EPHB1: variants seen among roughly 807,000 people sequenced by gnomAD.
EPHB1 encodes EPH receptor B1, also known as ephrin type-B receptor 1.
Under a neutral mutation model 94.4 loss-of-function variants are expected in EPHB1, and 30 were observed. The ratio of observed to expected loss-of-function variants is 0.32; its 90% confidence interval spans 0.24 to 0.43. EPHB1 has a LOEUF of 0.43. Among genes scored for constraint, EPHB1 ranks in the 20% least tolerant of loss-of-function variants. EPHB1 has a pLI of 1.00. For missense variants in EPHB1, 1,055 were observed against 1,308.3 expected, an observed-to-expected ratio of 0.81 and a Z score of 2.99; for synonymous variants, 522 against 489.1, an observed-to-expected ratio of 1.07 and a Z score of -0.89.
chr3:134,819,766 C>G (rs1351778587), intron 1 of EPHB1, among the ~76,000 whole-genome samples: 5 of 152,164 alleles, frequency 3.3e-5, no homozygotes, highest in Non-Finnish European at 7.3e-5. Context: ...TTCCCACAGC[C>G]AAAGCTTCTC....
chr3:135,162,298 TC>T, intron 7 of EPHB1, 118 bp downstream of exon 7: 1 of 1,222,610 alleles, frequency 8.2e-7, no homozygotes, highest in Non-Finnish European at 1.1e-6. Flanking sequence ...CCAGTGGAAT[TC>T]CCTTCAAACG....
chr3:135,051,617 A>G (rs1937170147), intron 3 of EPHB1, among the ~76,000 whole-genome samples: 2 of 152,368 alleles, frequency 1.3e-5, no homozygotes, highest in Admixed American at 6.5e-5. Flanking sequence ...TGCTGAAAAG[A>G]TGACAACAGC....
intron 3 of EPHB1, among the ~76,000 whole-genome samples, chr3:135,014,957 C>T (rs1020570613): frequency 3.3e-5 from 5 of 152,214 alleles, no homozygotes; most frequent in African/African-American, 4.8e-5. Context: ...TTTCTGGTCA[C>T]AGCCAATCAC....
intron 12 of EPHB1, among the ~76,000 whole-genome samples, chr3:135,237,222 T>G (rs896059309): frequency 6.6e-6 from 1 of 151,742 alleles, no homozygotes; most frequent in African/African-American, 2.4e-5. Context: ...ACCTTGAGGA[T>G]GACAGGGTTA....
At chr3:134,905,175 C>T (rs555208439) in intron 1 of EPHB1, among the ~76,000 whole-genome samples, 1 of 152,306 alleles carries the variant, frequency 6.6e-6, no homozygotes, top group Admixed American at 6.5e-5. Flanking sequence ...TTAGAATACT[C>T]TTGTAAGTTG....
intron 12 of EPHB1, among the ~76,000 whole-genome samples, chr3:135,240,386 C>T (rs1049964346): frequency 1.3e-5 from 2 of 152,078 alleles, no homozygotes; most frequent in African/African-American, 4.8e-5. Context: ...GGCAGACAAG[C>T]TGAGGGCCAA....
chr3:135,091,227 G>T (rs574335204), intron 3 of EPHB1, among the ~76,000 whole-genome samples: 1 of 152,306 alleles, frequency 6.6e-6, no homozygotes, highest in South Asian at 2.1e-4. Flanking sequence ...TGGGATGGGG[G>T]TGGGGGTGAG....
chr3:134,914,367 T>G (rs2107696220), intron 1 of EPHB1, among the ~76,000 whole-genome samples: 1 of 152,308 alleles, frequency 6.6e-6, no homozygotes, highest in Admixed American at 6.5e-5. Flanking sequence ...CACAAATGCC[T>G]TGTGAAGTGA....
intron 1 of EPHB1, among the ~76,000 whole-genome samples, chr3:134,841,179 G>C (rs534201729): frequency 7.9e-5 from 12 of 152,258 alleles, no homozygotes; most frequent in Admixed American, 7.8e-4. Context: ...CACTTCCAGG[G>C]AGTTTTCCTG....
intron 4 of EPHB1, among the ~76,000 whole-genome samples, chr3:135,116,156 T>C (rs1939697749): frequency 6.6e-6 from 1 of 152,046 alleles, no homozygotes; most frequent in South Asian, 2.1e-4. Flanking sequence ...AAAGGTTACA[T>C]TGAGCCGAGA....
In EPHB1 at chr3:134,843,688, T is replaced by A. The variant is rs148230020; in HGVS notation, c.58+47999T>A. ...TGTTGAGCTCCTCTAGTGATTTTTT[T>A]ATTTCAGTTATTGTTCTTTTCAACT... On this transcript the variant is annotated intron_variant, in intron 1 of 15. Transcript: ENST00000398015. Among the ~76,000 whole-genome samples the A allele has an allele frequency of 3.5e-3, 532 of 152,286 alleles. 2 individuals carry two copies. Among genetic ancestry groups the A allele is most frequent in the African/African-American group, 0.012 (518 of 41,576 alleles).
At chr3:135,153,794 C>T (rs140943438) in intron 5 of EPHB1, among the ~76,000 whole-genome samples, 1 of 152,194 alleles carries the variant, frequency 6.6e-6, no homozygotes, top group East Asian at 1.9e-4. Flanking sequence ...GTTCCTTCAA[C>T]ACCTTCTTCT....
chr3:135,207,983 TA>T (rs1308164808), intron 12 of EPHB1, among the ~76,000 whole-genome samples: 24 of 152,318 alleles, frequency 1.6e-4, no homozygotes, highest in African/African-American at 5.8e-4. Context: ...CACCTTCAAA[TA>T]TCACCCAATT....
At chr3:135,002,404 T>C (rs960984435) in intron 3 of EPHB1, among the ~76,000 whole-genome samples, 8 of 152,228 alleles carry the variant, frequency 5.3e-5, no homozygotes, top group African/African-American at 1.9e-4. Flanking sequence ...ATTGGTGATA[T>C]TGGTCTAAAA....
chr3:135,107,699 A>G (rs73862008), intron 4 of EPHB1, among the ~76,000 whole-genome samples: 4,676 of 152,278 alleles, frequency 0.031, 169 homozygotes, highest in African/African-American at 0.088. Context: ...AGAATTACTT[A>G]ATTCCAGCCT....
At chr3:135,106,070 C>G (rs996996662) in intron 3 of EPHB1, among the ~76,000 whole-genome samples, 9 of 152,114 alleles carry the variant, frequency 5.9e-5, no homozygotes, top group African/African-American at 2.2e-4. Flanking sequence ...GTGAGTGGCT[C>G]AGGGAAAGGC....
intron 15 of EPHB1, among the ~76,000 whole-genome samples, chr3:135,254,077 T>C (rs2107734049): frequency 9.4e-6 from 1 of 105,942 alleles, no homozygotes; most frequent in South Asian, 4.4e-4. Context: ...TCCTGAGACT[T>C]TGCTGAAGTT....
At chr3:134,957,633 G>A (rs917218130) in intron 3 of EPHB1, among the ~76,000 whole-genome samples, 10 of 152,188 alleles carry the variant, frequency 6.6e-5, no homozygotes, top group Non-Finnish European at 1.5e-4. Context: ...AGGGAAAAGA[G>A]GGGCAGAAGC....
intron 1 of EPHB1, among the ~76,000 whole-genome samples, chr3:134,871,443 C>G (rs553028131): frequency 6.6e-6 from 1 of 152,262 alleles, no homozygotes; most frequent in South Asian, 2.1e-4. Context: ...GAACTGCAAG[C>G]TCTGGAGCTC....
Sources: gnomAD v4.1 joint callset for allele counts (sites outside exome capture counted in the v4.1 genomes callset) on GRCh38, gnomAD v4.1.1 for gene constraint, MANE v1.5 for transcripts, NCBI Gene and HGNC (gene_info 2026-07-23, HGNC 2026-07-21) for gene names.